The following RTL4 variants were observed in gnomAD, a reference collection of about 807,000 sequenced individuals.
The protein encoded by RTL4 is retrotransposon Gag like 4.
A neutral mutation model predicts 5.3 loss-of-function variants in RTL4; 4 were observed. That is an observed-to-expected ratio of 0.75 (90% CI 0.37 to 1.72). RTL4 has a LOEUF of 1.72. Ranked by LOEUF, RTL4 falls within the 40% of genes most tolerant of loss-of-function variation. The pLI is 0.04. For missense variants in RTL4, 260 were observed against 227.1 expected, an observed-to-expected ratio of 1.14 and a Z score of -0.93; for synonymous variants, 98 against 87.3, an observed-to-expected ratio of 1.12 and a Z score of -0.68.
At chrX:112,314,153 G>A in the RTL4 span, among the ~76,000 whole-genome samples, 1 of 111,790 alleles carries the variant, frequency 8.9e-6, no homozygotes, top group African/African-American at 3.3e-5. Flanking sequence ...GAGATTCAGA[G>A]AGATTAAGTA....
At chrX:112,161,826 TTCCTTCCTTC>T in the RTL4 span, among the ~76,000 whole-genome samples, 101 of 44,388 alleles carry the variant, frequency 2.3e-3, no homozygotes, top group African/African-American at 6.9e-3. Flanking sequence ...CCTTCCTTCC[TTCCTTCCTTC>T]CTTCCTTCCT....
the RTL4 span, among the ~76,000 whole-genome samples, chrX:112,323,499 T>C: frequency 9.1e-6 from 1 of 110,432 alleles, no homozygotes; most frequent in African/African-American, 3.3e-5. Flanking sequence ...TTATATTTTA[T>C]TTTTTCTTTT....
chrX:112,181,673 A>G, the RTL4 span, among the ~76,000 whole-genome samples: 1 of 112,166 alleles, frequency 8.9e-6, no homozygotes, highest in Non-Finnish European at 1.9e-5. Context: ...GAAAGGCAGC[A>G]GCCCCAGTCA....
chrX:112,249,302 T>A, the RTL4 span, among the ~76,000 whole-genome samples: 1 of 111,870 alleles, frequency 8.9e-6, no homozygotes, highest in African/African-American at 3.3e-5. Flanking sequence ...CAAGGTTTGA[T>A]CATGTGAGTA....
the RTL4 span, among the ~76,000 whole-genome samples, chrX:112,158,896 G>C: frequency 9.0e-6 from 1 of 111,626 alleles, no homozygotes; most frequent in African/African-American, 3.3e-5. Flanking sequence ...GGTATAGCCA[G>C]ACTGACTTTC....
At chrX:112,140,163 T>C in the RTL4 span, among the ~76,000 whole-genome samples, 13 of 112,179 alleles carry the variant, frequency 1.2e-4, no homozygotes, top group East Asian at 3.7e-3. Context: ...ACTAATGTTT[T>C]CTTTTGACAT....
the RTL4 span, among the ~76,000 whole-genome samples, chrX:112,378,433 T>A: frequency 9.0e-6 from 1 of 111,589 alleles, no homozygotes; most frequent in Admixed American, 9.5e-5. Flanking sequence ...TACACTTAGT[T>A]ATTCATTTTG....
the RTL4 span, among the ~76,000 whole-genome samples, chrX:112,444,846 G>C: frequency 8.9e-6 from 1 of 111,846 alleles, no homozygotes; most frequent in Admixed American, 9.5e-5. Context: ...CACGATATCA[G>C]TTGTAATGTC....
At chrX:112,418,997 A>G in the RTL4 span, among the ~76,000 whole-genome samples, 2 of 102,074 alleles carry the variant, frequency 2.0e-5, no homozygotes, top group Non-Finnish European at 3.9e-5. Flanking sequence ...AAAGCATGGG[A>G]GATACTTGGA....
chrX:112,098,922 A>G, the RTL4 span, among the ~76,000 whole-genome samples: 6 of 112,457 alleles, frequency 5.3e-5, no homozygotes, highest in Non-Finnish European at 9.4e-5. Context: ...ACCTAAAACC[A>G]TAAAAACACT....
At chrX:112,351,454 A>G in the RTL4 span, among the ~76,000 whole-genome samples, 643 of 108,874 alleles carry the variant, frequency 5.9e-3, 11 homozygotes, top group African/African-American at 0.021. Context: ...TCTGTCTAAT[A>G]TTGACAGTGG....
At chrX:112,433,361 T>C in the RTL4 span, among the ~76,000 whole-genome samples, 1 of 83,754 alleles carries the variant, frequency 1.2e-5, no homozygotes, top group South Asian at 7.1e-4. Context: ...TTCCTACCCA[T>C]GAGCATGGAA....
the RTL4 span, among the ~76,000 whole-genome samples, chrX:112,417,328 T>C: frequency 2.7e-5 from 3 of 111,875 alleles, no homozygotes; most frequent in Non-Finnish European, 3.8e-5. Context: ...ATCAAAGCCC[T>C]AAGGGCAGAT....
At chrX:112,310,400 ATATATAT>A in the RTL4 span, among the ~76,000 whole-genome samples, 1 of 62,736 alleles carries the variant, frequency 1.6e-5, no homozygotes, top group South Asian at 8.4e-4. Context: ...ATATATATAT[ATATATAT>A]ATATATATTT....
the RTL4 span, among the ~76,000 whole-genome samples, chrX:112,339,250 AT>A: frequency 1.8e-5 from 2 of 112,088 alleles, no homozygotes; most frequent in African/African-American, 6.5e-5. Context: ...AAGGAAGAAT[AT>A]AGCTGGGATA....
the RTL4 span, among the ~76,000 whole-genome samples, chrX:112,291,627 T>C: frequency 9.1e-6 from 1 of 109,647 alleles, no homozygotes; most frequent in African/African-American, 3.3e-5. Flanking sequence ...GACGGAGTCT[T>C]GCTCTGTCAC....
At chrX:112,211,927 G>C in the RTL4 span, among the ~76,000 whole-genome samples, 2 of 111,891 alleles carry the variant, frequency 1.8e-5, no homozygotes, top group African/African-American at 6.5e-5. Context: ...AACAGGGTTG[G>C]GTGATAGAGG....
the RTL4 span, among the ~76,000 whole-genome samples, chrX:112,121,766 G>A: frequency 7.2e-5 from 8 of 111,238 alleles, no homozygotes; most frequent in Non-Finnish European, 1.3e-4. Context: ...GACATGCATG[G>A]TCTTATTTCA....
the RTL4 span, among the ~76,000 whole-genome samples, chrX:112,383,790 A>G: frequency 9.0e-6 from 1 of 111,519 alleles, no homozygotes; most frequent in Admixed American, 9.6e-5. Context: ...GGAGTTAAAC[A>G]TTGGGTACAC....
Sources: allele counts gnomAD v4.1 joint callset (sites outside exome capture counted in the v4.1 genomes callset), GRCh38; gene constraint gnomAD v4.1.1; transcripts MANE v1.5; gene names NCBI Gene and HGNC (gene_info 2026-07-23, HGNC 2026-07-21).